CDHR3: variants seen among roughly 807,000 people sequenced by gnomAD.
CDHR3 encodes the protein cadherin-related family member 3.
A neutral mutation model predicts 86.6 loss-of-function variants in CDHR3; 79 were observed. The observed-to-expected ratio is 0.91, with a 90% CI of 0.76 to 1.10. The LOEUF (loss-of-function observed/expected upper bound fraction) is 1.10. CDHR3 is among the 50% of genes least tolerant of loss of function. The probability of loss-of-function intolerance (pLI) is 0.00; values close to 1 mark genes in which losing one functional copy is unlikely to be tolerated. For missense variants in CDHR3, 1,081 were observed against 1,077.6 expected, an observed-to-expected ratio of 1.00 and a Z score of -0.04; for synonymous variants, 421 against 402.4, an observed-to-expected ratio of 1.05 and a Z score of -0.55.
chr7:106,024,349 C>G, intron 14 of CDHR3, 32 bp from the exon 15 acceptor site: 1 of 1,603,010 alleles, frequency 6.2e-7, no homozygotes, highest in East Asian at 2.2e-5. Flanking sequence ...CTACCACCCT[C>G]TACTCACCCT....
Position 106,026,950 on chromosome 7 carries a change from G to C in CDHR3, c.2272+255G>C, listed in dbSNP as rs1837445595. Reference sequence around the variant, plus strand: ...CCCTACCTAGAGCCCTCGCCAATCAGCTCAGCTGAACACCTAGGTCTGTCC... The same window carrying C: ...CCCTACCTAGAGCCCTCGCCAATCACCTCAGCTGAACACCTAGGTCTGTCC... On this transcript the variant is annotated intron_variant, in intron 16 of 18. Coordinates refer to ENST00000317716, the MANE Select transcript of CDHR3 (RefSeq NM_152750.5). Among the ~76,000 whole-genome samples the C allele has an allele frequency of 2.0e-5, 3 of 152,154 alleles. No individual in the cohort carries two copies. In the South Asian group the frequency reaches 6.2e-4, roughly 32 times the overall value.
chr7:106,027,256 G>A (rs2115909054), intron 16 of CDHR3, among the ~76,000 whole-genome samples: 1 of 152,164 alleles, frequency 6.6e-6, no homozygotes, highest in African/African-American at 2.4e-5. Context: ...AATTAGCCGG[G>A]CATGGTGGCA....
chr7:105,977,422 C>G (rs1435221135), intron 2 of CDHR3, among the ~76,000 whole-genome samples: 1 of 152,188 alleles, frequency 6.6e-6, no homozygotes, highest in African/African-American at 2.4e-5. Context: ...TTCCTAACCT[C>G]TAGAAATGGC....
At chr7:105,986,258 T>C (rs1830509602) in intron 4 of CDHR3, among the ~76,000 whole-genome samples, 1 of 152,236 alleles carries the variant, frequency 6.6e-6, no homozygotes, top group Non-Finnish European at 1.5e-5. Context: ...GGATTCTTAA[T>C]GGAGATAAGG....
rs529124126 is a variant in CDHR3 at position 106,007,637 on chromosome 7, C to A, written c.1052+2950C>A. Among the ~76,000 whole-genome samples, 67 of 152,342 alleles carry A rather than the reference C, an allele frequency of 4.4e-4. 1 individual carries two copies. The South Asian group carries it at 8.9e-3, about 20-fold the overall frequency. ...TTCCCAACAAGTTCCTCATCTCCAT[C>A]TGAGACCACCTCAGCCTGGATTTAA... is the stretch of plus-strand genomic sequence containing the variant. On this transcript the variant is annotated intron_variant, in intron 8 of 18. Transcript: ENST00000317716.
At chr7:106,023,528 C>G (rs1563303115) in intron 14 of CDHR3, among the ~76,000 whole-genome samples, 1 of 152,124 alleles carries the variant, frequency 6.6e-6, no homozygotes, top group Non-Finnish European at 1.5e-5. Context: ...CTCATCTGTC[C>G]CCTTTCTTCC....
chr7:106,024,031 T>A (rs968575483), intron 14 of CDHR3, among the ~76,000 whole-genome samples: 10 of 152,142 alleles, frequency 6.6e-5, no homozygotes, highest in African/African-American at 2.4e-4. Flanking sequence ...GCTTATGCTG[T>A]CTCGGTGAGA....
At position 106,022,346 on chromosome 7, in the gene CDHR3, G is replaced by A. The variant is rs35851873; in HGVS notation, c.1974G>A (p.Met658Ile). ...TCTACGTAACTGATGACAACTTGAT[G>A]TCTGACAGGAAGAAAGCGGAGGCTC... ...LLVYVTDDNL[M>I]SDRKKAEALV... Residue 658 changes from methionine to isoleucine, a missense_variant, in exon 14 of 19, where the codon ATG (methionine) becomes ATA (isoleucine). Coordinates refer to ENST00000317716, the MANE Select transcript of CDHR3 (RefSeq NM_152750.5). 171 of 1,613,932 alleles carry A rather than the reference G, an allele frequency of 1.1e-4. No individual in the cohort carries two copies. Among genetic ancestry groups the A allele is most frequent in the Non-Finnish European group, 1.4e-4 (167 of 1,179,920 alleles).
At chr7:106,013,969 A>AT (rs1009450300) in intron 9 of CDHR3, among the ~76,000 whole-genome samples, 2 of 151,682 alleles carry the variant, frequency 1.3e-5, no homozygotes, top group African/African-American at 4.8e-5. Context: ...TATTTTTATT[A>AT]TTTTTTTAAG....
intron 7 of CDHR3, among the ~76,000 whole-genome samples, chr7:106,002,703 A>C (rs1833386247): frequency 6.6e-6 from 1 of 152,386 alleles, no homozygotes; most frequent in Non-Finnish European, 1.5e-5. Flanking sequence ...CAATAGGAAT[A>C]GAATGAAGCC....
intron 2 of CDHR3, among the ~76,000 whole-genome samples, chr7:105,975,362 C>T (rs1170576086): frequency 2.6e-5 from 4 of 152,144 alleles, no homozygotes; most frequent in Admixed American, 1.3e-4. Flanking sequence ...TAAATTCTTT[C>T]GGTGGAGTAG....
intron 4 of CDHR3, among the ~76,000 whole-genome samples, chr7:105,993,959 T>G (rs1831793513): frequency 6.6e-6 from 1 of 152,194 alleles, no homozygotes; most frequent in South Asian, 2.1e-4. Flanking sequence ...GACTCTCAAC[T>G]ACCCAAAGAT....
intron 4 of CDHR3, among the ~76,000 whole-genome samples, chr7:105,986,619 T>G (rs779541468): frequency 2.0e-5 from 3 of 152,162 alleles, no homozygotes; most frequent in Non-Finnish European, 4.4e-5. Context: ...ATGCTGAAGT[T>G]CAATGAAGAA....
intron 15 of CDHR3, among the ~76,000 whole-genome samples, chr7:106,025,169 G>A (rs548387509): frequency 1.3e-4 from 20 of 152,142 alleles, no homozygotes; most frequent in Non-Finnish European, 2.6e-4. Flanking sequence ...TGGCTAAAGT[G>A]AGGTAGTAGA....
At chr7:105,982,541 C>A (rs561956224) in intron 3 of CDHR3, among the ~76,000 whole-genome samples, 32 of 151,704 alleles carry the variant, frequency 2.1e-4, no homozygotes, top group African/African-American at 5.6e-4. Context: ...TACCCTCCTA[C>A]CCCTCCTCCT....
At chr7:105,984,344 G>A in intron 4 of CDHR3, 55 bp downstream of exon 4, 1 of 1,400,872 alleles carries the variant, frequency 7.1e-7, no homozygotes, top group Non-Finnish European at 9.9e-7. Context: ...TTAGACACAG[G>A]AGCCTGCTGT....
chr7:105,963,561 C>T (rs1826372261), intron 1 of CDHR3, among the ~76,000 whole-genome samples, 197 bp downstream of exon 1: 1 of 152,178 alleles, frequency 6.6e-6, no homozygotes, highest in Non-Finnish European at 1.5e-5. Flanking sequence ...AAGAGAGATG[C>T]TTAAAGAGCC....
chr7:105,995,599 C>T (rs1213288866), intron 5 of CDHR3, among the ~76,000 whole-genome samples: 1 of 152,066 alleles, frequency 6.6e-6, no homozygotes, highest in Non-Finnish European at 1.5e-5. Flanking sequence ...AGTCCACTGG[C>T]GAAGACTGGT....
At chr7:106,015,864 G>T in intron 10 of CDHR3, 63 bp from the exon 11 acceptor site, 1 of 1,198,660 alleles carries the variant, frequency 8.3e-7, no homozygotes, top group Non-Finnish European at 1.2e-6. Flanking sequence ...CTTTAAAGAT[G>T]TTGAATAAAC....
Sources: allele counts gnomAD v4.1 joint callset (sites outside exome capture counted in the v4.1 genomes callset), GRCh38; gene constraint gnomAD v4.1.1; transcripts MANE v1.5; gene names NCBI Gene and HGNC (gene_info 2026-07-23, HGNC 2026-07-21).